STARD13: variants seen among roughly 807,000 people sequenced by gnomAD.
STARD13 encodes stAR-related lipid transfer protein 13.
Under a neutral mutation model 106.4 loss-of-function variants are expected in STARD13, and 62 were observed. The ratio of observed to expected loss-of-function variants is 0.58; its 90% CI spans 0.48 to 0.72. STARD13 has a LOEUF of 0.72. STARD13 is among the 30% of genes least tolerant of loss of function. STARD13 has a pLI of 0.00. For synonymous variants in STARD13, 565 were observed against 553.0 expected (o/e 1.02, Z -0.31); for missense variants, 1,387 against 1,424.0 (o/e 0.97, Z 0.42).
chr13:33,322,620 G>A (rs1206988194), intron 1 of STARD13, among the ~76,000 whole-genome samples: 1 of 152,208 alleles, frequency 6.6e-6, no homozygotes, highest in Admixed American at 6.5e-5. Flanking sequence ...TGCACGCGCA[G>A]TGACGTAAAA....
chr13:33,662,769 A>G, the STARD13 span, among the ~76,000 whole-genome samples: 4 of 152,232 alleles, frequency 2.6e-5, no homozygotes, highest in African/African-American at 4.8e-5. Context: ...TTTAAAGCTG[A>G]CACCCATTAA....
At chr13:33,674,140 G>A in the STARD13 span, among the ~76,000 whole-genome samples, 3 of 152,284 alleles carry the variant, frequency 2.0e-5, no homozygotes, top group South Asian at 2.1e-4. Context: ...GATTACAGGC[G>A]TGAGCCACCG....
chr13:33,264,310 C>A (rs1017725822), intron 1 of STARD13, among the ~76,000 whole-genome samples: 6 of 152,208 alleles, frequency 3.9e-5, no homozygotes, highest in Non-Finnish European at 7.3e-5. Context: ...TTGTTTAATA[C>A]CACTAAGTTT....
At chr13:33,347,075 A>C (rs2078025237), downstream of STARD13, among the ~76,000 whole-genome samples, 1 of 152,238 alleles carries the variant, frequency 6.6e-6, no homozygotes, top group Non-Finnish European at 1.5e-5. Context: ...CAAGACAGAA[A>C]ATAAGTCAAT....
At chr13:33,413,603 C>G in the STARD13 span, among the ~76,000 whole-genome samples, 2 of 152,078 alleles carry the variant, frequency 1.3e-5, no homozygotes, top group African/African-American at 4.8e-5. Context: ...GGACTGGTAT[C>G]TAGAGTACAA....
intron 1 of STARD13, among the ~76,000 whole-genome samples, chr13:33,169,619 T>C (rs1159609902): frequency 6.6e-6 from 1 of 152,244 alleles, no homozygotes; most frequent in Non-Finnish European, 1.5e-5. Context: ...TGGCATTACA[T>C]GAATCCTATG....
chr13:33,107,103 T>C (rs902507919), intron 12 of STARD13, among the ~76,000 whole-genome samples, 169 bp from the exon 13 acceptor site: 2 of 152,214 alleles, frequency 1.3e-5, no homozygotes, highest in African/African-American at 4.8e-5. Context: ...GTAAAGTTTA[T>C]ACAGAGAATT....
At chr13:33,395,864 CG>C in the STARD13 span, among the ~76,000 whole-genome samples, 2 of 152,128 alleles carry the variant, frequency 1.3e-5, no homozygotes, top group Middle Eastern at 3.4e-3. Context: ...ATTTTAAAGA[CG>C]GGGGTCTCAT....
intron 4 of STARD13, among the ~76,000 whole-genome samples, chr13:33,133,185 A>G (rs1878566179): frequency 6.6e-6 from 1 of 152,162 alleles, no homozygotes; most frequent in Admixed American, 6.5e-5. Context: ...ACCACATACT[A>G]GTTGGATAGG....
At chr13:33,644,192 A>G in the STARD13 span, among the ~76,000 whole-genome samples, 14 of 152,332 alleles carry the variant, frequency 9.2e-5, no homozygotes, top group South Asian at 6.2e-4. Context: ...CATGGGCTCC[A>G]GGGGCCCCAC....
At chr13:33,603,727 GA>G in the STARD13 span, among the ~76,000 whole-genome samples, 3,242 of 151,090 alleles carry the variant, frequency 0.021, 52 homozygotes, top group Non-Finnish European at 0.034. Flanking sequence ...ACACATTTTT[GA>G]AAAAAAAATT....
At position 33,129,337 on chromosome 13, in the gene STARD13, A is replaced by G. The variant is rs777813161; in HGVS notation, c.1340T>C (p.Met447Thr). 9 of 1,614,056 alleles carry G rather than the reference A, an allele frequency of 5.6e-6. No homozygotes were observed. Among genetic ancestry groups the G allele is most frequent in the Non-Finnish European group, 7.6e-6 (9 of 1,180,036 alleles). Residue 447 changes from methionine (M) to threonine (T), a missense_variant, in exon 5 of 14, where the codon ATG becomes ACG. By Grantham distance (81) the Met-to-Thr change is moderately conservative. Transcript: ENST00000336934. Reference sequence around the variant, plus strand: ...TCGGCTGGCTCTGTGGCAGGACGCCATGAGCCGGGGCTCCCTGGCACCAGG... The same window carrying G: ...TCGGCTGGCTCTGTGGCAGGACGCCGTGAGCCGGGGCTCCCTGGCACCAGG... ...QVPGAREPRL[M>T]ASCHRASRVS...
chr13:33,110,788 G>A lies in STARD13; in HGVS notation c.2727C>T (p.Tyr909=), dbSNP rs1874426527. 1 of 1,614,198 alleles carries A rather than the reference G, an allele frequency of 6.2e-7. No homozygotes were observed. The change falls in exon 11 of 14, where the codon TAC becomes TAT. Residue 909 remains tyrosine, a synonymous_variant. Transcript: ENST00000336934. ...GGAGGCCCTGGATGAGATGGTTCAGGTAAGTGTGGAAAGTTGCCCCACTCT... is the reference window on the plus strand; with the variant it reads ...GGAGGCCCTGGATGAGATGGTTCAGATAAGTGTGGAAAGTTGCCCCACTCT... ...LEESGATFHT[Y]LNHLIQGLQK... is the part of the protein sequence containing the mutation.
chr13:33,151,505 T>C (rs1185730523), intron 3 of STARD13, among the ~76,000 whole-genome samples: 2 of 152,198 alleles, frequency 1.3e-5, no homozygotes, highest in African/African-American at 4.8e-5. Flanking sequence ...AAACCTTTCA[T>C]GAGGGATCTG....
intron 1 of STARD13, among the ~76,000 whole-genome samples, chr13:33,285,225 A>G (rs1891996073): frequency 6.6e-6 from 1 of 152,156 alleles, no homozygotes; most frequent in South Asian, 2.1e-4. Flanking sequence ...CAGTTTGGGA[A>G]TTTATGATTC....
the STARD13 span, among the ~76,000 whole-genome samples, chr13:33,518,736 C>A: frequency 1.6e-4 from 24 of 152,084 alleles, no homozygotes; most frequent in African/African-American, 5.3e-4. Context: ...CACTAAAGAA[C>A]CTGAACTTCA....
the STARD13 span, among the ~76,000 whole-genome samples, chr13:33,519,265 TTTCTTTCTTTTCTTTCTC>T: frequency 6.8e-6 from 1 of 146,560 alleles, no homozygotes; most frequent in Non-Finnish European, 1.5e-5. Flanking sequence ...TCTTTCTTTC[TTTCTTTCTTTTCTTTCTC>T]TTTCTTTCTT....
chr13:33,401,709 A>C, the STARD13 span, among the ~76,000 whole-genome samples: 2 of 152,142 alleles, frequency 1.3e-5, no homozygotes, highest in Non-Finnish European at 2.9e-5. Flanking sequence ...CATTTTCCCC[A>C]ATAAAATCCT....
the STARD13 span, among the ~76,000 whole-genome samples, chr13:33,523,551 A>G: frequency 6.6e-6 from 1 of 152,116 alleles, no homozygotes; most frequent in African/African-American, 2.4e-5. Context: ...TATATCTAAC[A>G]CTGGTCAGGA....
Sources: allele counts gnomAD v4.1 joint callset (sites outside exome capture counted in the v4.1 genomes callset), GRCh38; gene constraint gnomAD v4.1.1; transcripts MANE v1.5; gene names NCBI Gene and HGNC (gene_info 2026-07-23, HGNC 2026-07-21).